Variants in GAK observed in about 807,000 individuals in gnomAD.
GAK encodes cyclin G associated kinase.
A neutral mutation model predicts 143.9 loss-of-function variants in GAK; 79 were observed. That is an observed-to-expected ratio of 0.55 (90% CI 0.46 to 0.66). The LOEUF (loss-of-function observed/expected upper bound fraction) is 0.66, where lower values mean the gene tolerates loss of function less well. Ranked by LOEUF, GAK falls within the 30% of genes least tolerant of loss-of-function variation. The pLI, the probability that GAK is intolerant of heterozygous loss-of-function variation, is 0.00. For missense variants in GAK, 1,693 were observed against 1,779.7 expected (o/e 0.95, Z 0.88); for synonymous variants, 881 against 765.5 (o/e 1.15, Z -2.49).
At chr4:849,832 G>GGGGGGGGGGGGGC in intron 27 of GAK, 58 bp from the exon 28 acceptor site, 1 of 1,256,598 alleles carries the variant, frequency 8.0e-7, no homozygotes, top group Non-Finnish European at 1.1e-6. Context: ...GGGCGGGGCA[G>GGGGGGGGGGGGGC]GACCCCCCCC....
At chr4:860,818 C>T (rs1279473128) in intron 23 of GAK, among the ~76,000 whole-genome samples, 1 of 152,160 alleles carries the variant, frequency 6.6e-6, no homozygotes, top group African/African-American at 2.4e-5. Flanking sequence ...GGCACCCAGG[C>T]CCTGGCACAT....
intron 19 of GAK, 147 bp from the exon 20 acceptor site, chr4:868,832 G>T: frequency 1.3e-6 from 1 of 768,134 alleles, no homozygotes; most frequent in Non-Finnish European, 2.0e-6. Context: ...ACATGACGGG[G>T]AGGGGCTCTC....
At chr4:907,835 C>T (rs1314786423) in intron 4 of GAK, among the ~76,000 whole-genome samples, 2 of 152,252 alleles carry the variant, frequency 1.3e-5, no homozygotes, top group Admixed American at 6.5e-5. Context: ...CTCAGCCGCA[C>T]ATGCTGCTCC....
intron 24 of GAK, among the ~76,000 whole-genome samples, chr4:858,730 A>G (rs939119231): frequency 3.3e-5 from 5 of 152,218 alleles, no homozygotes; most frequent in African/African-American, 1.2e-4. Context: ...ACTCAAAGCC[A>G]GCCCGGGAGA....
In GAK at chr4:905,159, G is replaced by C. The variant is rs113719568; in HGVS notation, c.383-380C>G. 2.1e-3 allele frequency among the ~76,000 whole-genome samples: 323 copies of C among 152,284 alleles called. 2 individuals are homozygous for C. Among genetic ancestry groups the C allele is most frequent in the African/African-American group, 7.4e-3 (309 of 41,558 alleles). On this transcript the variant is annotated intron_variant, in intron 4 of 27. Coordinates refer to ENST00000314167, the MANE Select transcript of GAK (RefSeq NM_005255.4). ...AAAGTGGCCAGTGGGAAACCTCTAG[G>C]GGGTATTTGGACCCGAGAAGATTCT...
chr4:903,109 C>T (rs539380189), intron 5 of GAK, among the ~76,000 whole-genome samples: 161 of 150,066 alleles, frequency 1.1e-3, no homozygotes, highest in Non-Finnish European at 1.8e-3. Flanking sequence ...GGCAGCAGCA[C>T]GGAGCGCAGG....
At chr4:852,235 C>A (rs1748296357) in intron 24 of GAK, 2 of 558,746 alleles carry the variant, frequency 3.6e-6, no homozygotes, top group Non-Finnish European at 6.4e-6. Context: ...GGAGGCAGCA[C>A]CCCACCCCCA....
chr4:893,570 C>A, intron 8 of GAK, 81 bp from the exon 9 acceptor site: 1 of 953,902 alleles, frequency 1.0e-6, no homozygotes, highest in East Asian at 2.9e-5. Context: ...GGTCACAGAC[C>A]ACCAGAGGCC....
intron 4 of GAK, among the ~76,000 whole-genome samples, chr4:906,712 C>T (rs940841160): frequency 6.6e-6 from 1 of 152,164 alleles, no homozygotes; most frequent in Non-Finnish European, 1.5e-5. Context: ...GCCACCGTCA[C>T]CCTCTGCTCA....
In GAK at chr4:902,596, C is replaced by CAA. The variant is rs768017849; in HGVS notation, c.525+2039_525+2040dup. Among the ~76,000 whole-genome samples the CAA allele has an allele frequency of 1.2e-4, 7 of 60,720 alleles. 1 individual carries two copies. The highest frequency in any genetic ancestry group is 7.8e-4 in the South Asian group (1 of 1,290). The allele number at this position is 60,720 out of a possible 152,430, so 39.8% of individuals were successfully genotyped here. A position where few individuals can be genotyped will look rare whatever the true frequency, so the allele number is the denominator to read the frequency against. On this transcript the variant is annotated intron_variant, in intron 5 of 27. Transcript: ENST00000314167. ...AGCCTGGGCTGTAGAGTGACTGACT[C>CAA]AAAAAAAAAAAAAAAAAACCCCAAA... is the stretch of plus-strand genomic sequence containing the variant.
rs568506645 is a variant in GAK at position 894,219 on chromosome 4, TGCGGGAACAACAGGGGTGACACCCGGGCC to T, written c.742-239_742-211del. The T allele has an allele frequency of 3.9e-3, 1,294 of 333,906 alleles. 50 individuals are homozygous for T. In the South Asian group the frequency reaches 0.064, roughly 17 times the overall value. 20.7% of individuals were successfully genotyped at this position (333,906 alleles called of 1,614,324 possible). A position where few individuals can be genotyped will look rare whatever the true frequency, so the allele number is the denominator to read the frequency against. On this transcript the variant is annotated intron_variant, in intron 7 of 27. Coordinates refer to ENST00000314167, the MANE Select transcript of GAK (RefSeq NM_005255.4). ...GAAATGCAGGGGTGACACCGGGGCC[TGCGGGAACAACAGGGGTGACACCCGGGCC>T]GCGGGGAGCGCAGGGGTGACGTTGG...
At chr4:909,764 A>G (rs1243849888) in intron 4 of GAK, among the ~76,000 whole-genome samples, 4 of 152,242 alleles carry the variant, frequency 2.6e-5, no homozygotes, top group African/African-American at 7.2e-5. Context: ...GGGGAACCCC[A>G]TGAGCAGGAA....
At chr4:876,737 C>A in intron 17 of GAK, 128 bp from the exon 18 acceptor site, 1 of 768,942 alleles carries the variant, frequency 1.3e-6, no homozygotes, top group Non-Finnish European at 2.2e-6. Flanking sequence ...ACGGCGCCCC[C>A]GTGCCACATG....
At chr4:911,155 TG>T (rs1721987996) in intron 4 of GAK, among the ~76,000 whole-genome samples, 1 of 152,158 alleles carries the variant, frequency 6.6e-6, no homozygotes, top group South Asian at 2.1e-4. Flanking sequence ...CTGATGAGGC[TG>T]GGCACCCACA....
At chr4:868,250 G>T (rs1711509441) in intron 20 of GAK, among the ~76,000 whole-genome samples, 3 of 152,298 alleles carry the variant, frequency 2.0e-5, no homozygotes, top group Middle Eastern at 3.4e-3. Flanking sequence ...CCGCCAGCAT[G>T]GCCCATGCTG....
At chr4:857,756 G>A (rs1055218848) in intron 24 of GAK, among the ~76,000 whole-genome samples, 1 of 152,150 alleles carries the variant, frequency 6.6e-6, no homozygotes, top group African/African-American at 2.4e-5. Flanking sequence ...TGCACTGCCC[G>A]TGGCTCCTCA....
chr4:923,849 G>C (rs547035729), intron 1 of GAK, among the ~76,000 whole-genome samples: 1 of 151,908 alleles, frequency 6.6e-6, no homozygotes. Flanking sequence ...ATAAACATAA[G>C]ACCTGTATCC....
At chr4:904,597 C>T (rs767926486) in intron 5 of GAK, 40 bp downstream of exon 5, 2 of 1,529,544 alleles carry the variant, frequency 1.3e-6, no homozygotes, top group African/African-American at 1.4e-5. Flanking sequence ...GGGACCCGCA[C>T]ACAGAGGCCT....
At chr4:873,003 C>G (rs545750931) in intron 18 of GAK, among the ~76,000 whole-genome samples, 4 of 151,994 alleles carry the variant, frequency 2.6e-5, no homozygotes, top group Non-Finnish European at 4.4e-5. Context: ...GCAGGGAACA[C>G]GCCTCTCGCC....
Sources: gnomAD v4.1 joint callset for allele counts (sites outside exome capture counted in the v4.1 genomes callset) on GRCh38, gnomAD v4.1.1 for gene constraint, MANE v1.5 for transcripts, NCBI Gene and HGNC (gene_info 2026-07-23, HGNC 2026-07-21) for gene names.